CEP120: variants seen among roughly 807,000 people sequenced by gnomAD.
The protein encoded by CEP120 is centrosomal protein of 120 kDa.
In CEP120, 113 loss-of-function variants were observed where a neutral mutation model predicts 126.5. The observed-to-expected ratio is 0.89, with a 90% CI of 0.77 to 1.04. The LOEUF (loss-of-function observed/expected upper bound fraction) is 1.04. Among genes scored for constraint, CEP120 ranks in the 50% least tolerant of loss-of-function variants. The pLI is 0.00. For synonymous variants in CEP120, 400 were observed against 394.3 expected, an observed-to-expected ratio of 1.01 and a Z score of -0.17; for missense variants, 1,230 against 1,155.7, an observed-to-expected ratio of 1.06 and a Z score of -0.93.
chr5:123,387,679 TTCC>T (rs1241890325), intron 9 of CEP120, among the ~76,000 whole-genome samples: 1 of 152,116 alleles, frequency 6.6e-6, no homozygotes, highest in African/African-American at 2.4e-5. Flanking sequence ...AACAATTTAT[TTCC>T]TCAACTTTTG....
intron 1 of CEP120, chr5:123,422,340 GCTGACACACT>G (rs1774770556): frequency 3.2e-6 from 2 of 626,618 alleles, no homozygotes; most frequent in Non-Finnish European, 5.5e-6. Flanking sequence ...TGAATTATTT[GCTGACACACT>G]CTCCTTGCTA....
In CEP120 at chr5:123,346,676, C is replaced by T. The variant is rs538670405; in HGVS notation, c.2804G>A (p.Ser935Asn). 7.4e-6 allele frequency: 12 copies of T among 1,613,926 alleles called. No individual in the cohort carries two copies. The South Asian group carries it at 1.2e-4, about 16-fold the overall frequency. Residue 935 changes from serine (S) to asparagine (N), a missense_variant, in exon 20 of 20, where the codon AGT becomes AAT. Transcript: ENST00000306467. Reference protein sequence around the residue: ...ASGKKDGPHGSVLEEGLDDYL... With the variant: ...ASGKKDGPHGNVLEEGLDDYL... ...ATCATCCAAACCTTCTTCCAATACA[C>T]TGCCATGGGGGCCATCCTTTTTTCC...
intron 4 of CEP120, chr5:123,403,585 T>C (rs565074066): frequency 1.9e-4 from 62 of 324,862 alleles, no homozygotes; most frequent in African/African-American, 1.0e-3. Flanking sequence ...AGTTATTAAT[T>C]ACAAAGGAAA....
chr5:123,398,627 T>C lies in CEP120; in HGVS notation c.612+509A>G, dbSNP rs191887697. Among the ~76,000 whole-genome samples the C allele has an allele frequency of 8.7e-4, 132 of 152,356 alleles. 3 individuals are homozygous for C. The highest frequency in any genetic ancestry group is 5.6e-3 in the Admixed American group (86 of 15,310). ...TGAAGGAAATATACCAATATTCATG[T>C]TCTTGCTCTGCTACTAAGGGTAATA... On this transcript the variant is annotated intron_variant, in intron 5 of 19. Transcript: ENST00000306467.
intron 2 of CEP120, 109 bp from the exon 3 acceptor site, chr5:123,416,233 T>C (rs1158017552): frequency 1.5e-6 from 1 of 674,428 alleles, no homozygotes; most frequent in East Asian, 2.8e-5. Context: ...TGGATAAAAC[T>C]GTAACTATTT....
intron 11 of CEP120, 74 bp downstream of exon 11, chr5:123,384,877 G>C (rs1771911008): frequency 2.3e-6 from 3 of 1,285,980 alleles, no homozygotes; most frequent in South Asian, 2.9e-5. Flanking sequence ...GAAGGGTGAA[G>C]TGGTGGCTGA....
At chr5:123,349,861 T>C (rs894053204) in intron 19 of CEP120, 83 bp downstream of exon 19, 1 of 1,051,010 alleles carries the variant, frequency 9.5e-7, no homozygotes, top group Non-Finnish European at 1.4e-6. Context: ...ATATATGATC[T>C]ACTTTATCCT....
At chr5:123,352,552 A>G (rs2126971617) in intron 18 of CEP120, among the ~76,000 whole-genome samples, 1 of 152,128 alleles carries the variant, frequency 6.6e-6, no homozygotes, top group East Asian at 1.9e-4. Flanking sequence ...AAACTGATCT[A>G]TTTATCCTTA....
chr5:123,408,036 C>A (rs1208818426), intron 4 of CEP120, among the ~76,000 whole-genome samples: 2 of 152,046 alleles, frequency 1.3e-5, no homozygotes, highest in African/African-American at 4.8e-5. Flanking sequence ...TTGTGAGATG[C>A]AATTTTTATT....
At position 123,382,834 on chromosome 5, in the gene CEP120, G is replaced by A. The variant is rs1298206776; in HGVS notation, c.1916C>T (p.Ser639Leu). Residue 639 changes from serine to leucine, a missense_variant, in exon 13 of 20, where the codon TCA becomes TTA. Ser to Leu is a moderately radical substitution (Grantham distance 145). Transcript: ENST00000306467. ...TTCACGAGGCTCTGTCTGGATCTCT[G>A]AAGGACAAGGTGCTGGAGGAAGAGA... is the stretch of plus-strand genomic sequence containing the variant. ...PSSLPPAPCPSEIQTEPRETL... is the reference protein window; with the variant it reads ...PSSLPPAPCPLEIQTEPRETL... 2 of 1,613,322 alleles carry A rather than the reference G, an allele frequency of 1.2e-6. No homozygotes were observed. The highest frequency in any genetic ancestry group is 3.3e-5 in the Admixed American group (2 of 59,852).
chr5:123,390,547 T>A (rs1330383372), intron 7 of CEP120, among the ~76,000 whole-genome samples: 1 of 152,254 alleles, frequency 6.6e-6, no homozygotes. Context: ...TATATGTATC[T>A]TTTAAACACT....
intron 4 of CEP120, among the ~76,000 whole-genome samples, chr5:123,411,747 A>T (rs925778136): frequency 5.3e-5 from 8 of 152,244 alleles, no homozygotes; most frequent in African/African-American, 1.9e-4. Flanking sequence ...ACTATTCTGT[A>T]TGATACTACA....
At chr5:123,403,053 C>A (rs1354297712) in intron 4 of CEP120, among the ~76,000 whole-genome samples, 1 of 152,232 alleles carries the variant, frequency 6.6e-6, no homozygotes, top group Non-Finnish European at 1.5e-5. Flanking sequence ...ATTACCCAGT[C>A]TGTAGTGTTC....
chr5:123,374,369 A>T (rs1024162152), intron 16 of CEP120, among the ~76,000 whole-genome samples: 6 of 152,156 alleles, frequency 3.9e-5, no homozygotes, highest in African/African-American at 1.2e-4. Context: ...AAAGCAGTCA[A>T]TACTTCCTGA....
intron 15 of CEP120, 23 bp downstream of exon 15, chr5:123,378,313 A>C: frequency 1.3e-6 from 2 of 1,563,552 alleles, no homozygotes; most frequent in African/African-American, 1.4e-5. Context: ...GCTGAAAAAA[A>C]ATACAATGGA....
intron 11 of CEP120, 140 bp downstream of exon 11, chr5:123,384,811 T>C: frequency 1.5e-6 from 1 of 678,858 alleles, no homozygotes; most frequent in East Asian, 2.8e-5. Context: ...TCAGAGAAGA[T>C]CAGAAAAAGG....
intron 18 of CEP120, among the ~76,000 whole-genome samples, chr5:123,352,305 T>G (rs551918161): frequency 6.6e-6 from 1 of 152,212 alleles, no homozygotes; most frequent in Admixed American, 6.5e-5. Flanking sequence ...GATTTTTCTG[T>G]TTATTCCTTT....
intron 18 of CEP120, among the ~76,000 whole-genome samples, chr5:123,355,879 T>C (rs1256283365): frequency 6.7e-6 from 1 of 148,490 alleles, no homozygotes; most frequent in Non-Finnish European, 1.5e-5. Context: ...TGGTATTACC[T>C]AGGTTTTCTT....
At chr5:123,357,141 A>G (rs1165443328) in intron 18 of CEP120, among the ~76,000 whole-genome samples, 1 of 152,146 alleles carries the variant, frequency 6.6e-6, no homozygotes. Context: ...TTAAAAAGTC[A>G]TCTGTCAGTC....
Sources: gnomAD v4.1 joint callset for allele counts (sites outside exome capture counted in the v4.1 genomes callset) on GRCh38, gnomAD v4.1.1 for gene constraint, MANE v1.5 for transcripts, NCBI Gene and HGNC (gene_info 2026-07-23, HGNC 2026-07-21) for gene names.